Variants in GINM1 observed in about 807,000 individuals in gnomAD.
GINM1 encodes the protein glycoprotein integral membrane protein 1.
In GINM1, 29 loss-of-function variants were observed where a neutral mutation model predicts 37.8. That is an observed-to-expected ratio of 0.77 (90% CI 0.57 to 1.05). The LOEUF (loss-of-function observed/expected upper bound fraction) is 1.05, where lower values mean the gene tolerates loss of function less well. Ranked by LOEUF, GINM1 falls within the 50% of genes least tolerant of loss-of-function variation. GINM1 has a pLI of 0.00. For missense variants in GINM1, 377 were observed against 397.9 expected (o/e 0.95, Z 0.45); for synonymous variants, 143 against 146.2 (o/e 0.98, Z 0.16).
chr6:149,590,573 G>GTTTGTACAACCACTATGAAT (rs1778139485), intron 7 of GINM1, among the ~76,000 whole-genome samples, 154 bp from the exon 8 acceptor site: 1 of 152,186 alleles, frequency 6.6e-6, no homozygotes, highest in South Asian at 2.1e-4. Context: ...TTTGGGCTCA[G>GTTTGTACAACCACTATGAAT]TTTGTACAAC....
intron 5 of GINM1, 66 bp downstream of exon 5, chr6:149,580,056 C>T: frequency 1.0e-6 from 1 of 987,352 alleles, no homozygotes. Flanking sequence ...GCTTTATATA[C>T]TCTTGAACTT....
chr6:149,570,136 TTATATATATATATATATATATA>T (rs549791771), intron 1 of GINM1, among the ~76,000 whole-genome samples: 2,195 of 45,728 alleles, frequency 0.048, 77 homozygotes, highest in Non-Finnish European at 0.061. Flanking sequence ...TAGGTAGGTT[TTATATATATATATATATATATA>T]TATATATATA....
chr6:149,580,037 T>C, intron 5 of GINM1, 47 bp downstream of exon 5: 1 of 1,232,566 alleles, frequency 8.1e-7, no homozygotes, highest in East Asian at 2.5e-5. Context: ...ATTATTTATT[T>C]AGTTGGTAGC....
rs1183286450 is a variant in GINM1 at position 149,579,946 on chromosome 6, G to C, written c.542G>C (p.Arg181Pro). The C allele has an allele frequency of 6.2e-7, 1 of 1,609,868 alleles. No homozygotes were observed. The highest frequency in any genetic ancestry group is 8.5e-7 in the Non-Finnish European group (1 of 1,177,306). ...GAAAGCATGCTCTACTCTATTTCTC[G>C]AGACAGTGACATTTTATTTACCCTT... ...LEESMLYSIS[R>P]DSDILFTLPN... The change falls in exon 5 of 8, where the codon CGA becomes CCA. Residue 181 changes from arginine to proline, a missense_variant. Coordinates refer to ENST00000367419, the MANE Select transcript of GINM1 (RefSeq NM_138785.5).
chr6:149,582,720 G>A lies in GINM1; in HGVS notation c.881+117G>A, dbSNP rs1358831800. On this transcript the variant is annotated intron_variant, in intron 7 of 7. Coordinates refer to ENST00000367419, the MANE Select transcript of GINM1 (RefSeq NM_138785.5). ...TAGAAAGGGTAAGACAAATGGGAGG[G>A]AAAATAACACCTACTGTTTTTCTAG... 9.5e-5 allele frequency: 64 copies of A among 673,414 alleles called. 1 individual carries two copies. The highest frequency in any genetic ancestry group is 1.3e-4 in the Non-Finnish European group (57 of 424,014). 41.7% of individuals were successfully genotyped at this position (673,414 alleles called of 1,614,324 possible).
At position 149,591,554 on chromosome 6, in the gene GINM1, TAA is replaced by T. The variant is rs1385475269; in HGVS notation, c.*717_*718del. 1 of 152,070 alleles carries T rather than the reference TAA, an allele frequency of 6.6e-6. No individual in the cohort carries two copies. Among genetic ancestry groups the T allele is most frequent in the Non-Finnish European group, 1.5e-5 (1 of 68,008 alleles). The allele number at this position is 152,070 out of a possible 1,614,324, so 9.4% of individuals were successfully genotyped here. A position where few individuals can be genotyped will look rare whatever the true frequency, so the allele number is the denominator to read the frequency against. On this transcript the variant is annotated 3_prime_UTR_variant, in exon 8 of 8. Coordinates refer to ENST00000367419, the MANE Select transcript of GINM1 (RefSeq NM_138785.5). Reference sequence around the variant, plus strand: ...ATTCTAATTTAAAAGGTCAAGAACTTAACACTTATTTTTTTATTCAGTACAGT... The same window carrying T: ...ATTCTAATTTAAAAGGTCAAGAACTTCACTTATTTTTTTATTCAGTACAGT...
intron 3 of GINM1, among the ~76,000 whole-genome samples, chr6:149,573,141 G>A (rs541443577): frequency 4.5e-4 from 69 of 152,040 alleles, no homozygotes; most frequent in African/African-American, 1.6e-3. Context: ...TGGCCAACAC[G>A]GTGAAACCCC....
chr6:149,589,083 C>T (rs183707336), intron 7 of GINM1, among the ~76,000 whole-genome samples: 86 of 151,694 alleles, frequency 5.7e-4, no homozygotes, highest in African/African-American at 2.0e-3. Flanking sequence ...GGATTGCAGG[C>T]GTGAGCCACC....
chr6:149,571,631 G>A (rs1383301820), intron 1 of GINM1, among the ~76,000 whole-genome samples: 2 of 152,126 alleles, frequency 1.3e-5, no homozygotes, highest in East Asian at 1.9e-4. Context: ...TCCTTCTGGG[G>A]GGATAGAGGG....
rs1392932164 is a variant in GINM1 at position 149,570,160 on chromosome 6, A to T, written c.121-2125A>T. ...TTTATATATATATATATATATATAT[A>T]TATATATATATATATATATATATAT... is the stretch of plus-strand genomic sequence containing the variant. On this transcript the variant is annotated intron_variant, in intron 1 of 7. Transcript: ENST00000367419. Among the ~76,000 whole-genome samples the T allele has an allele frequency of 7.9e-3, 507 of 64,490 alleles. 21 individuals are homozygous for T. Among genetic ancestry groups the T allele is most frequent in the African/African-American group, 0.033 (468 of 14,148 alleles). 42.3% of individuals were successfully genotyped at this position (64,490 alleles called of 152,430 possible).
At position 149,578,889 on chromosome 6, in the gene GINM1, A is replaced by G; in HGVS notation, c.345A>G (p.Leu115=). Reference sequence around the variant, plus strand: ...TTGGAATTGTCAGTGTAAGGATTTTAGTTCATGAGTGGCCTATGACATCTG... The same window carrying G: ...TTGGAATTGTCAGTGTAAGGATTTTGGTTCATGAGTGGCCTATGACATCTG... The part of the protein sequence containing the change: ...EYFGIVSVRI[L]VHEWPMTSGS... Residue 115 remains leucine (L), a synonymous_variant, in exon 4 of 8, where the codon TTA becomes TTG. Coordinates refer to ENST00000367419, the MANE Select transcript of GINM1 (RefSeq NM_138785.5). 6.3e-7 allele frequency: 1 copy of G among 1,599,494 alleles called. No homozygotes were observed. The highest frequency in any genetic ancestry group is 8.6e-7 in the Non-Finnish European group (1 of 1,167,410).
At chr6:149,582,314 T>C (rs1229577445) in intron 6 of GINM1, 126 bp from the exon 7 acceptor site, 1 of 787,716 alleles carries the variant, frequency 1.3e-6, no homozygotes, top group Non-Finnish European at 2.1e-6. Context: ...TAGTCACCCA[T>C]GTAACTACCA....
chr6:149,580,451 AGT>A (rs1777982393), intron 5 of GINM1, 140 bp from the exon 6 acceptor site: 1 of 666,916 alleles, frequency 1.5e-6, no homozygotes, highest in Admixed American at 2.9e-5. Flanking sequence ...CATTTAAATC[AGT>A]GAACATTCAG....
chr6:149,570,139 TATATATATATATATATA>T (rs1562269768), intron 1 of GINM1, among the ~76,000 whole-genome samples: 27 of 2,792 alleles, frequency 9.7e-3, no homozygotes, highest in Admixed American at 0.035. Flanking sequence ...GTAGGTTTTA[TATATATATATATATATA>T]TATATATATA....
At chr6:149,586,813 C>T (rs1778078027) in intron 7 of GINM1, among the ~76,000 whole-genome samples, 2 of 152,090 alleles carry the variant, frequency 1.3e-5, no homozygotes, top group Admixed American at 6.5e-5. Flanking sequence ...TGCAGTGGCT[C>T]AGTCATGGCT....
chr6:149,570,117 T>C (rs1777787272), intron 1 of GINM1, among the ~76,000 whole-genome samples: 1 of 133,348 alleles, frequency 7.5e-6, no homozygotes, highest in Non-Finnish European at 1.6e-5. Context: ...TCAAACTCTG[T>C]AATTTTACTA....
chr6:149,582,142 A>G (rs1435074789), intron 6 of GINM1: 3 of 503,894 alleles, frequency 6.0e-6, no homozygotes, highest in Admixed American at 2.3e-5. Flanking sequence ...AATTATTTTC[A>G]CTTGATTTGT....
chr6:149,567,101 C>A (rs1409599100), intron 1 of GINM1, among the ~76,000 whole-genome samples: 2 of 152,126 alleles, frequency 1.3e-5, no homozygotes, highest in African/African-American at 4.8e-5. Context: ...CGGCGGGGCG[C>A]GATCGGCGGT....
chr6:149,569,546 C>T (rs1777777315), intron 1 of GINM1, among the ~76,000 whole-genome samples: 1 of 149,784 alleles, frequency 6.7e-6, no homozygotes, highest in Admixed American at 6.7e-5. Context: ...ACCATGTTGG[C>T]TAGCTGGTCT....
Sources: allele counts gnomAD v4.1 joint callset (sites outside exome capture counted in the v4.1 genomes callset), GRCh38; gene constraint gnomAD v4.1.1; transcripts MANE v1.5; gene names NCBI Gene and HGNC (gene_info 2026-07-23, HGNC 2026-07-21).